FYB2: variants seen among roughly 807,000 people sequenced by gnomAD.
FYB2 encodes the protein FYN-binding protein 2.
A neutral mutation model predicts 94.1 loss-of-function variants in FYB2; 103 were observed. The ratio of observed to expected loss-of-function variants is 1.09; its 90% CI spans 0.93 to 1.29. The LOEUF (loss-of-function observed/expected upper bound fraction) is 1.29. Ranked by LOEUF, FYB2 falls within the 50% of genes most tolerant of loss-of-function variation. The pLI, the probability that FYB2 is intolerant of heterozygous loss-of-function variation, is 0.00. For missense variants in FYB2, 896 were observed against 841.5 expected (o/e 1.06, Z -0.80); for synonymous variants, 293 against 287.9 (o/e 1.02, Z -0.18).
In FYB2 at chr1:56,719,608, C is replaced by A; in HGVS notation, c.*63G>T. ...CATGTAAACTGAAACTGATGTAACG[C>A]AGGACTAGGATCTTAGGACTAGTTC... On this transcript the variant is annotated 3_prime_UTR_variant, in exon 20 of 20. Transcript: ENST00000343433. 2 of 1,412,102 alleles carry A rather than the reference C, an allele frequency of 1.4e-6. No homozygotes were observed. Among genetic ancestry groups the A allele is most frequent in the South Asian group, 1.3e-5 (1 of 74,512 alleles). The allele number at this position is 1,412,102 out of a possible 1,614,324, so 87.5% of individuals were successfully genotyped here.
intron 17 of FYB2, among the ~76,000 whole-genome samples, chr1:56,723,243 G>T (rs1644521686): frequency 6.6e-6 from 1 of 151,178 alleles, no homozygotes; most frequent in African/African-American, 2.4e-5. Flanking sequence ...ACACACAAAT[G>T]CTTTAATACA....
intron 3 of FYB2, 97 bp from the exon 4 acceptor site, chr1:56,787,305 G>T: frequency 6.8e-7 from 1 of 1,472,206 alleles, no homozygotes; most frequent in South Asian, 1.1e-5. Flanking sequence ...CAGATAATGT[G>T]GAGAGTGGAA....
chr1:56,821,573 A>T (rs1342378), upstream of FYB2, among the ~76,000 whole-genome samples: 152,259 of 152,320 alleles, frequency 1, 76,099 homozygotes, highest in Non-Finnish European at 1. Context: ...GCTTAAGGAC[A>T]AATGGCCATG....
intron 15 of FYB2, among the ~76,000 whole-genome samples, chr1:56,728,845 G>A (rs768733915): frequency 2.0e-5 from 3 of 152,124 alleles, no homozygotes; most frequent in Non-Finnish European, 4.4e-5. Flanking sequence ...GTCACTCTAA[G>A]CCCACAGGAG....
chr1:56,805,560 T>C (rs74684928), intron 1 of FYB2, among the ~76,000 whole-genome samples: 186 of 152,242 alleles, frequency 1.2e-3, no homozygotes, highest in South Asian at 3.5e-3. Flanking sequence ...CCAGGACACA[T>C]AGCAAATGGG....
chr1:56,777,633 A>T (rs1645912682), intron 4 of FYB2, among the ~76,000 whole-genome samples: 1 of 152,112 alleles, frequency 6.6e-6, no homozygotes, highest in Non-Finnish European at 1.5e-5. Context: ...TTATTGAACA[A>T]CTATTAAATG....
chr1:56,756,072 A>C (rs1272112163), intron 6 of FYB2, 145 bp from the exon 7 acceptor site: 1 of 654,278 alleles, frequency 1.5e-6, no homozygotes, highest in African/African-American at 1.8e-5. Flanking sequence ...GACCACAGAA[A>C]GTTCCAGGAA....
chr1:56,743,425 G>A (rs1487297706), intron 11 of FYB2, among the ~76,000 whole-genome samples: 1 of 152,006 alleles, frequency 6.6e-6, no homozygotes, highest in Non-Finnish European at 1.5e-5. Context: ...GTACACCAAG[G>A]AGAATATTCC....
chr1:56,732,038 T>C (rs1274358522), intron 15 of FYB2: 1 of 152,096 alleles, frequency 6.6e-6, no homozygotes, highest in African/African-American at 2.4e-5. Context: ...AAGGAGGAAG[T>C]AAAATTGCCC....
chr1:56,798,004 A>G (rs981774149), intron 1 of FYB2, among the ~76,000 whole-genome samples: 85 of 152,214 alleles, frequency 5.6e-4, no homozygotes, highest in African/African-American at 1.9e-3. Context: ...TCCTTAATTC[A>G]CTAGTCTTTC....
At chr1:56,803,358 G>A (rs1253650571) in intron 1 of FYB2, among the ~76,000 whole-genome samples, 2 of 152,146 alleles carry the variant, frequency 1.3e-5, no homozygotes, top group Non-Finnish European at 2.9e-5. Flanking sequence ...TTGGATTTTG[G>A]AATTGTGGGT....
chr1:56,753,971 C>T (rs374598543), intron 7 of FYB2, 36 bp from the exon 8 acceptor site: 31 of 1,346,436 alleles, frequency 2.3e-5, no homozygotes, highest in Non-Finnish European at 3.3e-5. Flanking sequence ...AAAAATGAAG[C>T]TTAGAGTGTT....
chr1:56,721,844 A>G (rs1644491131), intron 17 of FYB2, among the ~76,000 whole-genome samples: 2 of 152,120 alleles, frequency 1.3e-5, no homozygotes, highest in South Asian at 4.1e-4. Context: ...CCTATTATAG[A>G]ATTTAATAAC....
chr1:56,755,574 C>A (rs1472232788), intron 7 of FYB2, among the ~76,000 whole-genome samples: 1 of 152,128 alleles, frequency 6.6e-6, no homozygotes, highest in African/African-American at 2.4e-5. Context: ...GTGTGTGACT[C>A]TCCCACTAAT....
intron 1 of FYB2, among the ~76,000 whole-genome samples, chr1:56,816,813 C>T (rs1646892279): frequency 6.6e-6 from 1 of 152,198 alleles, no homozygotes; most frequent in South Asian, 2.1e-4. Context: ...AACCTTGATT[C>T]CACTCTTCCA....
chr1:56,817,143 C>G (rs528537167), intron 1 of FYB2, among the ~76,000 whole-genome samples: 2 of 152,154 alleles, frequency 1.3e-5, no homozygotes, highest in African/African-American at 2.4e-5. Context: ...CTCTCCATTT[C>G]GCTCAGAGGA....
chr1:56,819,509 A>C, upstream of FYB2: 1 of 631,416 alleles, frequency 1.6e-6, no homozygotes, highest in Non-Finnish European at 2.8e-6. Flanking sequence ...AGCTTGGCTT[A>C]GACCAGCACC....
chr1:56,742,502 T>C (rs576552991), intron 11 of FYB2, among the ~76,000 whole-genome samples: 2 of 152,208 alleles, frequency 1.3e-5, no homozygotes, highest in African/African-American at 4.8e-5. Flanking sequence ...ATAGATTCCT[T>C]CCTTCCACCC....
intron 6 of FYB2, among the ~76,000 whole-genome samples, chr1:56,757,171 G>A (rs186620591): frequency 1.2e-4 from 18 of 152,144 alleles, no homozygotes; most frequent in Non-Finnish European, 2.2e-4. Context: ...GATAAAATGG[G>A]ATAAAATTCA....
Sources: gnomAD v4.1 joint callset for allele counts (sites outside exome capture counted in the v4.1 genomes callset) on GRCh38, gnomAD v4.1.1 for gene constraint, MANE v1.5 for transcripts, NCBI Gene and HGNC (gene_info 2026-07-23, HGNC 2026-07-21) for gene names.